Variants in DDX60 observed in about 807,000 individuals in gnomAD.
DDX60 encodes the protein probable ATP-dependent RNA helicase DDX60.
Under a neutral mutation model 212.8 loss-of-function variants are expected in DDX60, and 165 were observed. The ratio of observed to expected loss-of-function variants is 0.78; its 90% CI spans 0.68 to 0.88. DDX60 has a LOEUF of 0.88. Ranked by LOEUF, DDX60 falls within the 40% of genes least tolerant of loss-of-function variation. The pLI, the probability that DDX60 is intolerant of heterozygous loss-of-function variation, is 0.00. For synonymous variants in DDX60, 703 were observed against 685.3 expected, an observed-to-expected ratio of 1.03 and a Z score of -0.40; for missense variants, 1,905 against 2,003.9, an observed-to-expected ratio of 0.95 and a Z score of 0.94.
intron 1 of DDX60, among the ~76,000 whole-genome samples, chr4:168,317,513 T>C (rs927297636): frequency 8.5e-5 from 13 of 152,124 alleles, no homozygotes; most frequent in African/African-American, 3.1e-4. Context: ...TCATGGATTC[T>C]GTATTGGAAC....
intron 23 of DDX60, 111 bp from the exon 24 acceptor site, chr4:168,262,239 G>T: frequency 8.2e-7 from 1 of 1,224,584 alleles, no homozygotes; most frequent in East Asian, 2.6e-5. Context: ...CACAGAGATG[G>T]TTAAACTTTT....
At chr4:168,268,752 C>A in intron 20 of DDX60, 102 bp downstream of exon 20, 1 of 617,440 alleles carries the variant, frequency 1.6e-6, no homozygotes, top group Non-Finnish European at 2.6e-6. Context: ...CTATTAAATT[C>A]ACTAGAAAAT....
rs1004439701 is a variant in DDX60, at chr4:168,267,043, G to A, written c.3039+539C>T. 1.1e-4 allele frequency among the ~76,000 whole-genome samples: 17 copies of A among 152,266 alleles called. No homozygotes were observed. In the South Asian group the frequency reaches 2.1e-3, roughly 19 times the overall value. Reference sequence around the variant, plus strand: ...CATGTATGGGACTAGGATGAGAGAGGAAGAGAACTATGCAAGAAAAAGTAA... The same window carrying A: ...CATGTATGGGACTAGGATGAGAGAGAAAGAGAACTATGCAAGAAAAAGTAA... On this transcript the variant is annotated intron_variant, in intron 22 of 37. Coordinates refer to ENST00000393743, the MANE Select transcript of DDX60 (RefSeq NM_017631.6).
intron 3 of DDX60, 36 bp from the exon 4 acceptor site, chr4:168,308,231 T>A: frequency 8.0e-7 from 1 of 1,245,544 alleles, no homozygotes; most frequent in South Asian, 1.4e-5. Flanking sequence ...AAATCACATA[T>A]GCATTAAATC....
intron 10 of DDX60, among the ~76,000 whole-genome samples, chr4:168,286,009 G>C (rs909076521): frequency 1.4e-5 from 2 of 138,252 alleles, no homozygotes; most frequent in African/African-American, 5.5e-5. Flanking sequence ...AAAGGAGGGA[G>C]GGAAGGAAGG....
At chr4:168,238,446 AGG>A (rs1733717472) in intron 30 of DDX60, among the ~76,000 whole-genome samples, 1 of 100,996 alleles carries the variant, frequency 9.9e-6, no homozygotes, top group African/African-American at 3.5e-5. Context: ...AGGGAAGGGA[AGG>A]GAAGGGAAGG....
intron 35 of DDX60, among the ~76,000 whole-genome samples, chr4:168,223,279 T>C (rs1439712744): frequency 1.3e-5 from 2 of 151,934 alleles, no homozygotes; most frequent in African/African-American, 4.8e-5. Context: ...CTTAGCATTA[T>C]ATTAAAATGT....
At chr4:168,294,242 C>T (rs765823334) in intron 6 of DDX60, among the ~76,000 whole-genome samples, 3 of 152,018 alleles carry the variant, frequency 2.0e-5, no homozygotes, top group Non-Finnish European at 2.9e-5. Context: ...ATCCTCACAC[C>T]ATATGCAAAA....
rs568088176 is a variant in DDX60, at chr4:168,227,157, T to G, written c.4534-1481A>C. ...ATAGTGATGTTATCCTTACAAAGTTTGGAAGAATTCACCAGTGAAGCCATC... is the reference window on the plus strand; with the variant it reads ...ATAGTGATGTTATCCTTACAAAGTTGGGAAGAATTCACCAGTGAAGCCATC... On this transcript the variant is annotated intron_variant, in intron 33 of 37. Transcript: ENST00000393743. 7.9e-4 allele frequency among the ~76,000 whole-genome samples: 120 copies of G among 152,082 alleles called. 1 individual carries two copies. Among genetic ancestry groups the G allele is most frequent in the Non-Finnish European group, 1.3e-3 (86 of 67,950 alleles).
chr4:168,252,442 C>A, intron 27 of DDX60, 67 bp downstream of exon 27: 1 of 1,579,446 alleles, frequency 6.3e-7, no homozygotes, highest in South Asian at 1.1e-5. Context: ...TAAGCATTAT[C>A]TACAACTAAC....
At position 168,284,870 on chromosome 4, in the gene DDX60, G is replaced by A; in HGVS notation, c.1511C>T (p.Ser504Phe). Residue 504 changes from serine to phenylalanine, a missense_variant, in exon 12 of 38, where the codon TCT (serine) becomes TTT (phenylalanine). Coordinates refer to ENST00000393743, the MANE Select transcript of DDX60 (RefSeq NM_017631.6). ...KEFDELVHWHSHKPLSDDYDR... is the reference protein window; with the variant it reads ...KEFDELVHWHFHKPLSDDYDR... ...ATAATCATCACTCAGGGGTTTATGA[G>A]AATGCCAGTGCACAAGTTCATCAAA... The A allele has an allele frequency of 1.9e-6, 3 of 1,598,548 alleles. No homozygotes were observed. The highest frequency in any genetic ancestry group is 2.6e-6 in the Non-Finnish European group (3 of 1,170,260).
chr4:168,317,252 A>G (rs915062142), intron 1 of DDX60, among the ~76,000 whole-genome samples: 2 of 151,882 alleles, frequency 1.3e-5, no homozygotes, highest in South Asian at 4.2e-4. Context: ...ACAAAAACAA[A>G]CAATCATAAG....
chr4:168,292,840 C>T (rs1165984410), intron 7 of DDX60, among the ~76,000 whole-genome samples: 1 of 152,080 alleles, frequency 6.6e-6, no homozygotes, highest in Non-Finnish European at 1.5e-5. Flanking sequence ...TCCAGAGAGG[C>T]AGATTTGACT....
chr4:168,286,191 A>G (rs1278010752), intron 10 of DDX60, among the ~76,000 whole-genome samples: 1 of 151,912 alleles, frequency 6.6e-6, no homozygotes, highest in Non-Finnish European at 1.5e-5. Flanking sequence ...TCAAATGTGA[A>G]TTCCTTTTAT....
intron 22 of DDX60, among the ~76,000 whole-genome samples, chr4:168,266,329 A>G (rs985859296): frequency 6.6e-6 from 1 of 152,200 alleles, no homozygotes; most frequent in African/African-American, 2.4e-5. Flanking sequence ...TTTAACATAC[A>G]CTTAGTACCT....
rs1734664490 is a variant in DDX60, at chr4:168,262,542, G to C, written c.3144+141C>G. The stretch of plus-strand genomic sequence containing the variant: ...ATTAAAAAACAAACAGATAATGTTA[G>C]AAATATGAGAAGAGGCACTCTTATT... On this transcript the variant is annotated intron_variant, in intron 23 of 37. Coordinates refer to ENST00000393743, the MANE Select transcript of DDX60 (RefSeq NM_017631.6). 5.1e-6 allele frequency: 3 copies of C among 587,016 alleles called. No homozygotes were observed. In the Middle Eastern group the frequency reaches 1.4e-3, roughly 278 times the overall value. 36.4% of individuals were successfully genotyped at this position (587,016 alleles called of 1,614,324 possible).
intron 26 of DDX60, among the ~76,000 whole-genome samples, chr4:168,255,410 T>G (rs536087035): frequency 2.0e-5 from 3 of 152,194 alleles, no homozygotes; most frequent in Non-Finnish European, 4.4e-5. Context: ...CATATATGTA[T>G]CAAAGATGTG....
At chr4:168,307,538 G>A (rs1245310516) in intron 4 of DDX60, among the ~76,000 whole-genome samples, 6 of 151,912 alleles carry the variant, frequency 3.9e-5, no homozygotes, top group Non-Finnish European at 7.4e-5. Context: ...CAAACTCCTG[G>A]GCTCAAGTAA....
chr4:168,233,275 AC>A (rs1484008044), intron 33 of DDX60, among the ~76,000 whole-genome samples: 4 of 152,078 alleles, frequency 2.6e-5, no homozygotes, highest in Non-Finnish European at 5.9e-5. Flanking sequence ...GTAAACTAGT[AC>A]AACCACCAGG....
Sources: gnomAD v4.1 joint callset for allele counts (sites outside exome capture counted in the v4.1 genomes callset) on GRCh38, gnomAD v4.1.1 for gene constraint, MANE v1.5 for transcripts, NCBI Gene and HGNC (gene_info 2026-07-23, HGNC 2026-07-21) for gene names.